The following LTBP1 variants were observed in gnomAD, a reference collection of about 807,000 sequenced individuals.
LTBP1 encodes latent transforming growth factor beta binding protein 1, also known as latent-transforming growth factor beta-binding protein 1.
Under a neutral mutation model 207.6 loss-of-function variants are expected in LTBP1, and 129 were observed. The ratio of observed to expected loss-of-function variants is 0.62; its 90% CI spans 0.54 to 0.72. LTBP1 has a LOEUF of 0.72. Among genes scored for constraint, LTBP1 ranks in the 30% least tolerant of loss-of-function variants. The pLI is 0.00. For missense variants in LTBP1, 2,281 were observed against 2,217.2 expected (o/e 1.03, Z -0.58); for synonymous variants, 963 against 833.7 (o/e 1.16, Z -2.67).
chr2:32,975,930 C>T (rs1681710965), intron 2 of LTBP1, among the ~76,000 whole-genome samples: 1 of 152,084 alleles, frequency 6.6e-6, no homozygotes, highest in African/African-American at 2.4e-5. Flanking sequence ...TAGTTAAGGA[C>T]CATTGCTGGG....
At chr2:33,095,703 AT>A (rs2150076009) in intron 3 of LTBP1, among the ~76,000 whole-genome samples, 1 of 152,252 alleles carries the variant, frequency 6.6e-6, no homozygotes, top group East Asian at 1.9e-4. Flanking sequence ...AGGACTTAAA[AT>A]ATGATCTTAA....
intron 3 of LTBP1, among the ~76,000 whole-genome samples, chr2:33,058,515 C>A (rs1251630740): frequency 1.3e-5 from 2 of 152,152 alleles, no homozygotes; most frequent in Non-Finnish European, 2.9e-5. Flanking sequence ...TTTTTCTCCC[C>A]CCTTCTTTTC....
chr2:33,321,368 C>T (rs1381120801), intron 24 of LTBP1, among the ~76,000 whole-genome samples: 4 of 152,136 alleles, frequency 2.6e-5, no homozygotes, highest in African/African-American at 7.2e-5. Flanking sequence ...AATGCGTTGA[C>T]GTGTACTGAA....
chr2:33,067,715 G>T (rs219087), intron 3 of LTBP1, among the ~76,000 whole-genome samples: 134,537 of 152,194 alleles, frequency 0.88, 61,585 homozygotes, highest in East Asian at 1. Context: ...GCATAGATTA[G>T]AAGCAAATAC....
At chr2:33,106,555 C>T (rs1218603467) in intron 3 of LTBP1, among the ~76,000 whole-genome samples, 1 of 151,768 alleles carries the variant, frequency 6.6e-6, no homozygotes, top group Non-Finnish European at 1.5e-5. Context: ...TCATTCAGAG[C>T]TCTTGGGTGA....
At chr2:33,105,176 C>T (rs1044968277) in intron 3 of LTBP1, among the ~76,000 whole-genome samples, 1 of 152,174 alleles carries the variant, frequency 6.6e-6, no homozygotes, top group Admixed American at 6.5e-5. Flanking sequence ...CTGGGAAATA[C>T]TGAGGGTTCA....
Position 33,180,243 on chromosome 2 carries a change from C to T in LTBP1, c.1202-6613C>T, listed in dbSNP as rs1201226893. On this transcript the variant is annotated intron_variant, in intron 5 of 33. Transcript: ENST00000404816. ...GAAGATAGGCAGTTTTAGAACACAA[C>T]AACTGTAAATCTCCACATTCCATAG... is the stretch of plus-strand genomic sequence containing the variant. Among the ~76,000 whole-genome samples, 19 of 152,274 alleles carry T rather than the reference C, an allele frequency of 1.2e-4. No homozygotes were observed. The South Asian group carries it at 3.9e-3, about 32-fold the overall frequency.
In LTBP1 at chr2:33,158,148, CAAAAAAA is replaced by C. The variant is rs59789805; in HGVS notation, c.1201+23199_1201+23205del. Among the ~76,000 whole-genome samples the C allele has an allele frequency of 2.0e-3, 228 of 113,930 alleles. 4 individuals carry two copies. The East Asian group carries it at 0.055, about 27-fold the overall frequency. The allele number at this position is 113,930 out of a possible 152,430, so 74.7% of individuals were successfully genotyped here. ...TGAAACTCTTGTCTCAAAAAAAAAA[CAAAAAAA>C]AAAAAAAAAAGAGAGAGAGAGAGAA... On this transcript the variant is annotated intron_variant, in intron 5 of 33. Transcript: ENST00000404816.
intron 2 of LTBP1, among the ~76,000 whole-genome samples, chr2:32,958,682 A>G (rs1430875568): frequency 6.6e-6 from 1 of 152,242 alleles, no homozygotes; most frequent in Non-Finnish European, 1.5e-5. Context: ...TAAATACTAT[A>G]GAAAGAATTC....
At chr2:32,984,576 TGA>T (rs2148768924) in intron 2 of LTBP1, among the ~76,000 whole-genome samples, 1 of 152,250 alleles carries the variant, frequency 6.6e-6, no homozygotes, top group East Asian at 1.9e-4. Context: ...AGAAAAGAAG[TGA>T]CTTTCCAGTT....
chr2:32,950,890 T>G (rs1397403851), intron 2 of LTBP1, among the ~76,000 whole-genome samples: 2 of 152,140 alleles, frequency 1.3e-5, no homozygotes, highest in Non-Finnish European at 2.9e-5. Context: ...AATTCGGGGA[T>G]CCAAAGATGT....
At chr2:33,330,118 A>C (rs1179572359) in intron 24 of LTBP1, among the ~76,000 whole-genome samples, 1 of 152,090 alleles carries the variant, frequency 6.6e-6, no homozygotes, top group Non-Finnish European at 1.5e-5. Flanking sequence ...CTAGGTCTTC[A>C]AGATTTGCAT....
At chr2:33,367,232 G>T (rs920704244) in intron 31 of LTBP1, among the ~76,000 whole-genome samples, 14 of 152,086 alleles carry the variant, frequency 9.2e-5, no homozygotes, top group African/African-American at 3.4e-4. Context: ...GGGGTCATCT[G>T]ATAATTATGA....
At chr2:33,192,767 GT>G (rs1255485646) in intron 7 of LTBP1, among the ~76,000 whole-genome samples, 1 of 152,152 alleles carries the variant, frequency 6.6e-6, no homozygotes, top group East Asian at 1.9e-4. Context: ...ATTTCTCACT[GT>G]TTTAGAGGCT....
rs1250923347 is a variant in LTBP1 at position 33,000,860 on chromosome 2, G to A, written c.566-20049G>A. Among the ~76,000 whole-genome samples the A allele has an allele frequency of 1.5e-5, 2 of 134,406 alleles. 1 individual carries two copies. The highest frequency in any genetic ancestry group is 5.2e-5 in the African/African-American group (2 of 38,586). 88.2% of individuals were successfully genotyped at this position (134,406 alleles called of 152,430 possible). A position where few individuals can be genotyped will look rare whatever the true frequency, so the allele number is the denominator to read the frequency against. ...GAGAACCAAGGTTGTTGACAGGAGG[G>A]GGGGTTCAAACACTCAACCCGCTTC... On this transcript the variant is annotated intron_variant, in intron 2 of 33. Transcript: ENST00000404816.
At chr2:33,157,713 G>A (rs188152536) in intron 5 of LTBP1, among the ~76,000 whole-genome samples, 1 of 152,276 alleles carries the variant, frequency 6.6e-6, no homozygotes, top group Admixed American at 6.5e-5. Context: ...GTTTGCATGT[G>A]TACGAGGAGC....
chr2:33,141,189 C>A (rs1259594385), intron 5 of LTBP1, among the ~76,000 whole-genome samples: 1 of 152,164 alleles, frequency 6.6e-6, no homozygotes, highest in Non-Finnish European at 1.5e-5. Flanking sequence ...ATAAACCAGT[C>A]ACAAAAAACC....
At chr2:33,089,155 CAAAAAAAAAA>C (rs61009791) in intron 3 of LTBP1, among the ~76,000 whole-genome samples, 4 of 96,400 alleles carry the variant, frequency 4.1e-5, no homozygotes, top group African/African-American at 1.5e-4. Context: ...GACTCAGTCT[CAAAAAAAAAA>C]AAAAAAAGAA....
intron 2 of LTBP1, among the ~76,000 whole-genome samples, chr2:32,995,658 G>A (rs990419734): frequency 6.6e-6 from 1 of 151,974 alleles, no homozygotes; most frequent in African/African-American, 2.4e-5. Context: ...GCGTGGTGGC[G>A]GGCACCTGTA....
Sources: gnomAD v4.1 joint callset for allele counts (sites outside exome capture counted in the v4.1 genomes callset) on GRCh38, gnomAD v4.1.1 for gene constraint, MANE v1.5 for transcripts, NCBI Gene and HGNC (gene_info 2026-07-23, HGNC 2026-07-21) for gene names.